UNC13A: variants seen among roughly 807,000 people sequenced by gnomAD.
UNC13A encodes unc-13 homolog A, also known as protein unc-13 homolog A.
Under a neutral mutation model 219.7 loss-of-function variants are expected in UNC13A, and 61 were observed. That is an observed-to-expected ratio of 0.28 (90% CI 0.23 to 0.34). The LOEUF is 0.34. Among genes scored for constraint, UNC13A ranks in the 10% least tolerant of loss-of-function variants. UNC13A has a pLI of 1.00. For missense variants in UNC13A, 1,476 were observed against 2,270.3 expected (o/e 0.65, Z 7.11); for synonymous variants, 920 against 884.6 (o/e 1.04, Z -0.71).
At position 17,649,108 on chromosome 19, in the gene UNC13A, G is replaced by A; in HGVS notation, c.1525-125C>T. ...GAGCCACAACCGCAAGTTGGAAACA[G>A]GTCACCGACAGCATCCGGGCCAGAC... On this transcript the variant is annotated intron_variant, in intron 14 of 43. Coordinates refer to ENST00000519716, the MANE Select transcript of UNC13A (RefSeq NM_001080421.3). The surrounding 1 kb of genome is among the most constrained non-coding windows in gnomAD (Gnocchi z 4.4). 1 of 1,223,242 alleles carries A rather than the reference G, an allele frequency of 8.2e-7. No individual in the cohort carries two copies. The highest frequency in any genetic ancestry group is 1.1e-6 in the Non-Finnish European group (1 of 872,294). 75.8% of individuals were successfully genotyped at this position (1,223,242 alleles called of 1,614,324 possible).
chr19:17,632,711 C>T (rs2076869672), intron 28 of UNC13A, 71 bp downstream of exon 28: 9 of 1,608,028 alleles, frequency 5.6e-6, no homozygotes, highest in South Asian at 4.4e-5. Flanking sequence ...GTCAGTCTTC[C>T]TCTCTGGCTT....
intron 1 of UNC13A, among the ~76,000 whole-genome samples, chr19:17,683,635 G>C (rs1303534456): frequency 6.6e-6 from 1 of 151,940 alleles, no homozygotes; most frequent in Non-Finnish European, 1.5e-5. Context: ...TGCAGTCCGG[G>C]TGACAGAGTG....
Position 17,688,119 on chromosome 19 carries a change from G to C in UNC13A, c.22+59C>G, listed in dbSNP as rs2080150052. Reference sequence around the variant, plus strand: ...AACCCCCTGGGAGCCGCATCCACGCGGACCCCGACCCCAGCCCGCGTCCAC... The same window carrying C: ...AACCCCCTGGGAGCCGCATCCACGCCGACCCCGACCCCAGCCCGCGTCCAC... On this transcript the variant is annotated intron_variant, in intron 1 of 43. Transcript: ENST00000519716. 13 of 1,509,282 alleles carry C rather than the reference G, an allele frequency of 8.6e-6. No individual in the cohort carries two copies. The South Asian group carries it at 1.6e-4, about 19-fold the overall frequency. The allele number at this position is 1,509,282 out of a possible 1,614,324, so 93.5% of individuals were successfully genotyped here.
intron 11 of UNC13A, 138 bp downstream of exon 11, chr19:17,655,136 G>A (rs915687137): frequency 4.0e-6 from 3 of 743,736 alleles, no homozygotes; most frequent in Non-Finnish European, 7.0e-6. Flanking sequence ...CACTGGGCAT[G>A]CCCAGGCTAG....
intron 37 of UNC13A, 54 bp downstream of exon 37, chr19:17,621,778 A>C (rs759076009): frequency 6.2e-6 from 10 of 1,600,948 alleles, no homozygotes; most frequent in Non-Finnish European, 8.6e-6. Flanking sequence ...ACACATGCAC[A>C]CACATGCCCA....
chr19:17,671,847 G>A (rs2079794639), intron 4 of UNC13A, among the ~76,000 whole-genome samples: 1 of 152,160 alleles, frequency 6.6e-6, no homozygotes, highest in African/African-American at 2.4e-5. Flanking sequence ...GAGGGGCCAG[G>A]GTTGTTACCT....
intron 35 of UNC13A, among the ~76,000 whole-genome samples, chr19:17,624,315 CACCAT>C (rs1182341620): frequency 1.3e-5 from 2 of 151,956 alleles, no homozygotes; most frequent in Non-Finnish European, 1.5e-5. Context: ...GACGAGATTT[CACCAT>C]GTTGCCCAGG....
chr19:17,612,058 T>C (rs2076610209), intron 41 of UNC13A: 4 of 508,090 alleles, frequency 7.9e-6, no homozygotes, highest in Non-Finnish European at 1.4e-5. Flanking sequence ...CCTTGCTGTG[T>C]GATCTTGGGT....
intron 17 of UNC13A, among the ~76,000 whole-genome samples, chr19:17,646,908 CATT>C (rs72127449): frequency 0.23 from 35,478 of 152,040 alleles, 4,430 homozygotes; most frequent in East Asian, 0.48. Context: ...TTGCCCACAG[CATT>C]GTCTGCTCAA....
chr19:17,604,360 C>G lies in UNC13A; in HGVS notation c.*1694G>C, dbSNP rs946058137. ...TGCAGATCTCCCCAACCCCAAGGCTCCTCACGATCCCCCTTGCTGGCTCAG... is the reference window on the plus strand; with the variant it reads ...TGCAGATCTCCCCAACCCCAAGGCTGCTCACGATCCCCCTTGCTGGCTCAG... On this transcript the variant is annotated 3_prime_UTR_variant, in exon 44 of 44. Transcript: ENST00000519716. 1 of 152,350 alleles carries G rather than the reference C, an allele frequency of 6.6e-6. No individual in the cohort carries two copies. The highest frequency in any genetic ancestry group is 2.4e-5 in the African/African-American group (1 of 41,430). 9.4% of individuals were successfully genotyped at this position (152,350 alleles called of 1,614,324 possible).
In UNC13A at chr19:17,674,377, CT is replaced by C. The variant is rs1271112686; in HGVS notation, c.152+279del. 2.0e-5 allele frequency among the ~76,000 whole-genome samples: 3 copies of C among 152,188 alleles called. No individual in the cohort carries two copies. Among genetic ancestry groups the C allele is most frequent in the Non-Finnish European group, 4.4e-5 (3 of 68,024 alleles). On this transcript the variant is annotated intron_variant, in intron 3 of 43. Coordinates refer to ENST00000519716, the MANE Select transcript of UNC13A (RefSeq NM_001080421.3). This position sits in a 1 kb window ranked among gnomAD's most constrained non-coding sequence, Gnocchi z 5.0. ...GATTTGCAGTTTTAAAAATATCCCCCTGGCTGCCTGGAGGAGAACAGATTGT... is the reference window on the plus strand; with the variant it reads ...GATTTGCAGTTTTAAAAATATCCCCCGGCTGCCTGGAGGAGAACAGATTGT...
Position 17,606,021 on chromosome 19 carries a change from G to C in UNC13A, c.*33C>G. The C allele has an allele frequency of 7.1e-7, 1 of 1,408,626 alleles. No individual in the cohort carries two copies. Among genetic ancestry groups the C allele is most frequent in the Non-Finnish European group, 9.2e-7 (1 of 1,086,074 alleles). The allele number at this position is 1,408,626 out of a possible 1,614,324, so 87.3% of individuals were successfully genotyped here. ...TCCCTCCCCGCCCAGCGCCCTCCGC[G>C]CAGGCGCAGTGCCGCTCGGCCGACC... is the stretch of plus-strand genomic sequence containing the variant. On this transcript the variant is annotated 3_prime_UTR_variant, in exon 44 of 44. Coordinates refer to ENST00000519716, the MANE Select transcript of UNC13A (RefSeq NM_001080421.3).
chr19:17,631,501 A>G (rs1893352955), intron 28 of UNC13A, among the ~76,000 whole-genome samples: 1 of 151,760 alleles, frequency 6.6e-6, no homozygotes, highest in Non-Finnish European at 1.5e-5. Context: ...TGTTGGGATT[A>G]CAGGAATGAG....
At position 17,633,090 on chromosome 19, in the gene UNC13A, C is replaced by T; in HGVS notation, c.3301+18G>A. 1.9e-6 allele frequency: 3 copies of T among 1,613,820 alleles called. No homozygotes were observed. The highest frequency in any genetic ancestry group is 2.5e-6 in the Non-Finnish European group (3 of 1,179,750). On this transcript the variant is annotated intron_variant, in intron 27 of 43. Transcript: ENST00000519716. Reference sequence around the variant, plus strand: ...CCTGGTGTGGCCAGGCTGGGGAACACTGGGGTGGGAAACTCACCCTCCATG... The same window carrying T: ...CCTGGTGTGGCCAGGCTGGGGAACATTGGGGTGGGAAACTCACCCTCCATG...
In UNC13A at chr19:17,603,946, G is replaced by C. The variant is rs1035905968; in HGVS notation, c.*2108C>G. 2 of 152,054 alleles carry C rather than the reference G, an allele frequency of 1.3e-5. No individual in the cohort carries two copies. Among genetic ancestry groups the C allele is most frequent in the East Asian group, 3.9e-4 (2 of 5,184 alleles). 9.4% of individuals were successfully genotyped at this position (152,054 alleles called of 1,614,324 possible). A position where few individuals can be genotyped will look rare whatever the true frequency, so the allele number is the denominator to read the frequency against. On this transcript the variant is annotated 3_prime_UTR_variant, in exon 44 of 44. Transcript: ENST00000519716. ...CCCGCCTCAGTCTCCTGAGTAGCTG[G>C]GACTACAGGCATGCACCACTGCACC...
In UNC13A at chr19:17,655,306, C is replaced by T; in HGVS notation, c.1360G>A (p.Ala454Thr). ...MSRAKANWLR[A>T]FNKVRMQLQE... ...AGCTGCATCCGCACCTTGTTGAAGG[C>T]ACGCAGCCAGTTGGCCTTGGCCCTG... The change falls in exon 11 of 44, where the codon GCC becomes ACC. Residue 454 changes from alanine to threonine, a missense_variant. Around this residue, in one of 14 missense-constraint regions of UNC13A, gnomAD observed 351 missense variants for 342.6 expected, o/e 1.02. Coordinates refer to ENST00000519716, the MANE Select transcript of UNC13A (RefSeq NM_001080421.3). The T allele has an allele frequency of 6.3e-7, 1 of 1,587,340 alleles. No individual in the cohort carries two copies.
intron 1 of UNC13A, among the ~76,000 whole-genome samples, chr19:17,687,893 G>A (rs1035352442): frequency 1.3e-4 from 20 of 152,006 alleles, no homozygotes; most frequent in African/African-American, 4.6e-4. Context: ...GATCGTTTCC[G>A]GGTAGAACCC....
In UNC13A at chr19:17,621,816, A is replaced by T. The variant is rs1429341017; in HGVS notation, c.4242+16T>A. ...CACTGGAGCTCAGGGCCTCAGTGAG[A>T]CGAGGCCCTCATTACCTTTTCTAAT... On this transcript the variant is annotated intron_variant, in intron 37 of 43. Coordinates refer to ENST00000519716, the MANE Select transcript of UNC13A (RefSeq NM_001080421.3). 1 of 1,613,000 alleles carries T rather than the reference A, an allele frequency of 6.2e-7. No individual in the cohort carries two copies. The highest frequency in any genetic ancestry group is 8.5e-7 in the Non-Finnish European group (1 of 1,178,976).
Position 17,606,309 on chromosome 19 carries a change from C to A in UNC13A, c.4857G>T (p.Val1619=), listed in dbSNP as rs760894544. The A allele has an allele frequency of 3.9e-5, 60 of 1,549,546 alleles. No individual in the cohort carries two copies. The highest frequency in any genetic ancestry group is 5.0e-5 in the Non-Finnish European group (57 of 1,147,718). ...GCGCGAAGCAGTAGTCCTTGACGCA[C>A]ACCTGCAGCTCATAGCACTCGGGAC... ...DAGPECYELQ[V]CVKDYCFARE... Residue 1619 remains valine, a synonymous_variant, in exon 44 of 44, where the codon GTG becomes GTT. Coordinates refer to ENST00000519716, the MANE Select transcript of UNC13A (RefSeq NM_001080421.3).
Sources: allele counts gnomAD v4.1 joint callset (sites outside exome capture counted in the v4.1 genomes callset), GRCh38; gene constraint gnomAD v4.1.1; regional missense constraint gnomAD v4.1.1; non-coding constraint Gnocchi (gnomAD v3.1); transcripts MANE v1.5; gene names NCBI Gene and HGNC (gene_info 2026-07-23, HGNC 2026-07-21).